SLC1A2: variants seen among roughly 807,000 people sequenced by gnomAD.
SLC1A2 encodes solute carrier family 1 member 2, also known as excitatory amino acid transporter 2.
Under a neutral mutation model 48.8 loss-of-function variants are expected in SLC1A2, and 15 were observed. That is an observed-to-expected ratio of 0.31 (90% CI 0.21 to 0.47). SLC1A2 has a LOEUF of 0.47. Among genes scored for constraint, SLC1A2 ranks in the 20% least tolerant of loss-of-function variants. The probability of loss-of-function intolerance (pLI) is 0.99; values close to 1 mark genes in which losing one functional copy is unlikely to be tolerated. For missense variants in SLC1A2, 502 were observed against 730.5 expected, an observed-to-expected ratio of 0.69 and a Z score of 3.61; for synonymous variants, 279 against 272.6, an observed-to-expected ratio of 1.02 and a Z score of -0.23.
At chr11:35,300,708 C>T (rs188821694) in intron 6 of SLC1A2, among the ~76,000 whole-genome samples, 1 of 152,300 alleles carries the variant, frequency 6.6e-6, no homozygotes, top group Non-Finnish European at 1.5e-5. Flanking sequence ...AAAGAGACCC[C>T]AGAGAGCTTT....
chr11:35,358,957 T>C (rs548378051), intron 1 of SLC1A2, among the ~76,000 whole-genome samples: 1 of 152,364 alleles, frequency 6.6e-6, no homozygotes, highest in Admixed American at 6.5e-5. Context: ...AAATATCTTA[T>C]GCCTTTAGTA....
intron 1 of SLC1A2, among the ~76,000 whole-genome samples, chr11:35,321,199 C>T (rs983829233): frequency 6.6e-5 from 10 of 152,110 alleles, no homozygotes; most frequent in African/African-American, 2.2e-4. Context: ...GGGTAACTGC[C>T]CCCATGATTC....
At chr11:35,372,227 C>T (rs1854085690) in intron 1 of SLC1A2, among the ~76,000 whole-genome samples, 2 of 152,216 alleles carry the variant, frequency 1.3e-5, no homozygotes, top group African/African-American at 4.8e-5. Flanking sequence ...GGATCAGATG[C>T]ATCTTTCACT....
chr11:35,370,858 T>G, intron 1 of SLC1A2: 3,085 of 645,202 alleles, frequency 4.8e-3, no homozygotes, highest in Non-Finnish European at 5.4e-3. Context: ...AAGAAGAACA[T>G]GAGCTGCACA....
rs992059819 is a variant in SLC1A2 at position 35,260,110 on chromosome 11, A to T, written c.*784T>A. On this transcript the variant is annotated 3_prime_UTR_variant, in exon 11 of 11. Coordinates refer to ENST00000278379, the MANE Select transcript of SLC1A2 (RefSeq NM_004171.4). The stretch of plus-strand genomic sequence containing the variant: ...TTAACTCTGGTTAAACTTTATGTTG[A>T]CTGTGCTCTCTTACTTTTGTCAATA... The T allele has an allele frequency of 1.3e-5, 2 of 152,232 alleles. No homozygotes were observed. Among genetic ancestry groups the T allele is most frequent in the Admixed American group, 6.5e-5 (1 of 15,282 alleles). 9.4% of individuals were successfully genotyped at this position (152,232 alleles called of 1,614,324 possible). A position where few individuals can be genotyped will look rare whatever the true frequency, so the allele number is the denominator to read the frequency against.
At chr11:35,362,180 A>C (rs1014659004) in intron 1 of SLC1A2, among the ~76,000 whole-genome samples, 2 of 152,162 alleles carry the variant, frequency 1.3e-5, no homozygotes, top group Non-Finnish European at 2.9e-5. Context: ...GATGTTTTGC[A>C]TGTGGCCTGA....
intron 1 of SLC1A2, 43 bp downstream of exon 1, chr11:35,418,907 C>T (rs1245266945): frequency 6.5e-7 from 1 of 1,542,658 alleles, no homozygotes; most frequent in Non-Finnish European, 8.8e-7. Context: ...CCACCCCGCG[C>T]GTGACCCCGC....
intron 6 of SLC1A2, among the ~76,000 whole-genome samples, chr11:35,295,009 A>G (rs1260968870): frequency 6.6e-6 from 1 of 152,050 alleles, no homozygotes; most frequent in African/African-American, 2.4e-5. Context: ...TTTCAGGGCC[A>G]TTACTTTCTT....
chr11:35,344,929 T>G (rs1852974436), intron 1 of SLC1A2, among the ~76,000 whole-genome samples: 1 of 152,174 alleles, frequency 6.6e-6, no homozygotes, highest in Non-Finnish European at 1.5e-5. Flanking sequence ...CTAGAGGAGC[T>G]TTTAATCTCC....
intron 5 of SLC1A2, 45 bp from the exon 6 acceptor site, chr11:35,301,690 T>G (rs1851361635): frequency 1.9e-6 from 3 of 1,596,862 alleles, no homozygotes; most frequent in Middle Eastern, 1.7e-4. Flanking sequence ...TTACAAAAAA[T>G]GTACTTTTTC....
At chr11:35,316,784 C>G (rs1851895568) in intron 2 of SLC1A2, 1 of 152,414 alleles carries the variant, frequency 6.6e-6, no homozygotes. Context: ...GTATCAATAG[C>G]CTGAGAACAA....
intron 9 of SLC1A2, among the ~76,000 whole-genome samples, chr11:35,273,344 G>C (rs17378105): frequency 0.34 from 51,438 of 152,008 alleles, 9,521 homozygotes; most frequent in South Asian, 0.53. Flanking sequence ...GGCTAAGAGC[G>C]TGAAGTCCGG....
intron 1 of SLC1A2, among the ~76,000 whole-genome samples, chr11:35,368,316 C>A (rs1274572589): frequency 2.0e-5 from 3 of 152,160 alleles, no homozygotes; most frequent in African/African-American, 4.8e-5. Flanking sequence ...GGTCTGAGTC[C>A]TGCTTTACCA....
chr11:35,301,494 A>G, intron 6 of SLC1A2, 25 bp downstream of exon 6: 2 of 1,611,264 alleles, frequency 1.2e-6, no homozygotes, highest in Non-Finnish European at 1.7e-6. Flanking sequence ...ACCCACTGCT[A>G]AGAAGTAAGA....
At chr11:35,404,151 C>T (rs535048902) in intron 1 of SLC1A2, among the ~76,000 whole-genome samples, 3 of 152,294 alleles carry the variant, frequency 2.0e-5, no homozygotes, top group African/African-American at 7.2e-5. Context: ...TTTCATGCCT[C>T]CATTCTTGTG....
Position 35,296,070 on chromosome 11 carries a change from T to A in SLC1A2, c.858-3550A>T, listed in dbSNP as rs1047913944. Among the ~76,000 whole-genome samples the A allele has an allele frequency of 2.0e-5, 3 of 152,336 alleles. No individual in the cohort carries two copies. In the East Asian group the frequency reaches 5.8e-4, roughly 29 times the overall value. ...ACCAGTATTTCAAGAAACAAAAATCTTAACTGCAACTGATGAAACGCAGAT... is the reference window on the plus strand; with the variant it reads ...ACCAGTATTTCAAGAAACAAAAATCATAACTGCAACTGATGAAACGCAGAT... On this transcript the variant is annotated intron_variant, in intron 6 of 10. Transcript: ENST00000278379.
intron 1 of SLC1A2, among the ~76,000 whole-genome samples, chr11:35,336,285 C>A (rs988059846): frequency 2.0e-5 from 3 of 152,056 alleles, no homozygotes; most frequent in Non-Finnish European, 4.4e-5. Flanking sequence ...ACCTATGTAA[C>A]AAACCTGCAC....
intron 1 of SLC1A2, among the ~76,000 whole-genome samples, chr11:35,371,511 C>G (rs967581968): frequency 6.6e-6 from 1 of 152,192 alleles, no homozygotes; most frequent in African/African-American, 2.4e-5. Context: ...CCTGTGACTT[C>G]GTTTCCCTTA....
intron 1 of SLC1A2, among the ~76,000 whole-genome samples, chr11:35,384,267 A>C (rs1203167616): frequency 1.3e-5 from 2 of 152,208 alleles, no homozygotes; most frequent in Non-Finnish European, 2.9e-5. Flanking sequence ...TCTGGAAATG[A>C]CTTTTTTAAT....
Sources: gnomAD v4.1 joint callset for allele counts (sites outside exome capture counted in the v4.1 genomes callset) on GRCh38, gnomAD v4.1.1 for gene constraint, MANE v1.5 for transcripts, NCBI Gene and HGNC (gene_info 2026-07-23, HGNC 2026-07-21) for gene names.